Variants in TMEM144 observed in about 807,000 individuals in gnomAD.
TMEM144 encodes transmembrane protein 144.
A neutral mutation model predicts 43.6 loss-of-function variants in TMEM144; 39 were observed. That is an observed-to-expected ratio of 0.90 (90% CI 0.69 to 1.17). The LOEUF is 1.17. Ranked by LOEUF, TMEM144 falls within the 50% of genes most tolerant of loss-of-function variation. The pLI is 0.00. For synonymous variants in TMEM144, 154 were observed against 133.6 expected, an observed-to-expected ratio of 1.15 and a Z score of -1.06; for missense variants, 417 against 411.9, an observed-to-expected ratio of 1.01 and a Z score of -0.11.
chr4:158,245,439 T>C (rs540612734), intron 12 of TMEM144, among the ~76,000 whole-genome samples: 1 of 151,858 alleles, frequency 6.6e-6, no homozygotes, highest in East Asian at 1.9e-4. Flanking sequence ...GTTCAAATCC[T>C]GGCTCTGTCA....
chr4:158,218,758 C>A (rs970437597), intron 5 of TMEM144, among the ~76,000 whole-genome samples: 1 of 152,166 alleles, frequency 6.6e-6, no homozygotes, highest in South Asian at 2.1e-4. Context: ...GAGACACTCA[C>A]AAGTACTTTT....
intron 9 of TMEM144, 86 bp downstream of exon 9, chr4:158,237,729 T>C: frequency 8.7e-6 from 8 of 918,344 alleles, no homozygotes; most frequent in Non-Finnish European, 1.3e-5. Flanking sequence ...TATTGATGGG[T>C]CGATTCGATC....
At position 158,217,438 on chromosome 4, in the gene TMEM144, A is replaced by G. The variant is rs1473997708; in HGVS notation, c.332+18A>G. 6.5e-7 allele frequency: 1 copy of G among 1,528,810 alleles called. No individual in the cohort carries two copies. The highest frequency in any genetic ancestry group is 2.3e-5 in the East Asian group (1 of 44,362). The allele number at this position is 1,528,810 out of a possible 1,614,324, so 94.7% of individuals were successfully genotyped here. A position where few individuals can be genotyped will look rare whatever the true frequency, so the allele number is the denominator to read the frequency against. On this transcript the variant is annotated intron_variant, in intron 5 of 12. Transcript: ENST00000296529. ...AGCTCAAGGTAATTCAAGTCAAACT[A>G]GTTCAACTAAGATTTCCTGCATCCA...
chr4:158,226,911 A>T (rs1734800710), intron 6 of TMEM144, among the ~76,000 whole-genome samples: 1 of 151,878 alleles, frequency 6.6e-6, no homozygotes, highest in Non-Finnish European at 1.5e-5. Context: ...TCTTTTGAAG[A>T]TGATAACTAT....
At chr4:158,238,880 C>T (rs1336592729) in intron 9 of TMEM144, among the ~76,000 whole-genome samples, 1 of 152,154 alleles carries the variant, frequency 6.6e-6, no homozygotes, top group Non-Finnish European at 1.5e-5. Flanking sequence ...CTTGTGACAA[C>T]TCTGAATGTA....
chr4:158,215,260 A>G lies in TMEM144; in HGVS notation c.179A>G (p.His60Arg), dbSNP rs1240110497. ...GCCTTGGTTGTCAATCTGATATTAC[A>G]TTGTCCAAAGTTTTGGCCTTTTGCA... ...LVALVVNLIL[H>R]CPKFWPFAML... Residue 60 changes from histidine (H) to arginine (R), a missense_variant, in exon 4 of 13, where the codon CAT becomes CGT. Transcript: ENST00000296529. 2 of 1,613,820 alleles carry G rather than the reference A, an allele frequency of 1.2e-6. No individual in the cohort carries two copies. Among genetic ancestry groups the G allele is most frequent in the African/African-American group, 1.3e-5 (1 of 75,024 alleles).
At chr4:158,250,216 A>ATATATATATC (rs1736132817) in intron 12 of TMEM144, among the ~76,000 whole-genome samples, 1 of 127,894 alleles carries the variant, frequency 7.8e-6, no homozygotes, top group Admixed American at 7.9e-5. Context: ...ATATATATAT[A>ATATATATATC]TATATATATA....
At chr4:158,240,793 A>G (rs1735595241) in intron 10 of TMEM144, among the ~76,000 whole-genome samples, 1 of 152,244 alleles carries the variant, frequency 6.6e-6, no homozygotes, top group African/African-American at 2.4e-5. Flanking sequence ...AATATGCAGT[A>G]ACTTGGGAAA....
chr4:158,234,660 A>T (rs189584411), intron 7 of TMEM144: 1 of 152,340 alleles, frequency 6.6e-6, no homozygotes, highest in Non-Finnish European at 1.5e-5. Flanking sequence ...TACCAAACCT[A>T]TATATAGTAT....
chr4:158,215,142 T>A (rs781132295), intron 3 of TMEM144, 49 bp from the exon 4 acceptor site: 2 of 1,611,218 alleles, frequency 1.2e-6, no homozygotes, highest in Admixed American at 3.3e-5. Context: ...TGAGCACAAA[T>A]TTACTCAATT....
intron 9 of TMEM144, among the ~76,000 whole-genome samples, chr4:158,239,443 T>C (rs1356373444): frequency 6.6e-6 from 1 of 152,238 alleles, no homozygotes; most frequent in African/African-American, 2.4e-5. Flanking sequence ...CATGATGTGA[T>C]ATTAACTCCC....
intron 6 of TMEM144, among the ~76,000 whole-genome samples, chr4:158,231,729 A>G (rs980815322): frequency 6.6e-6 from 1 of 152,172 alleles, no homozygotes; most frequent in African/African-American, 2.4e-5. Context: ...GGGGGTTGGT[A>G]GACAGCTTGG....
Position 158,212,783 on chromosome 4 carries a change from A to G in TMEM144, c.109+7A>G, listed in dbSNP as rs772880464. 8.2e-6 allele frequency: 13 copies of G among 1,593,556 alleles called. No homozygotes were observed. In the Admixed American group the frequency reaches 1.2e-4, roughly 14 times the overall value. On this transcript the variant is annotated splice_region_variant and intron_variant, in intron 3 of 12. Coordinates refer to ENST00000296529, the MANE Select transcript of TMEM144 (RefSeq NM_018342.5). ...AAATTTGATACTGGTGATGGTAATT[A>G]TTTTTCCTTGATTGTTAACGTTATA...
chr4:158,244,267 T>A, intron 11 of TMEM144, 29 bp from the exon 12 acceptor site: 1 of 1,498,556 alleles, frequency 6.7e-7, no homozygotes, highest in Non-Finnish European at 9.1e-7. Context: ...AAATATCCAA[T>A]TTAATTAAAA....
chr4:158,218,366 G>A (rs1236164462), intron 5 of TMEM144, among the ~76,000 whole-genome samples: 3 of 152,056 alleles, frequency 2.0e-5, no homozygotes, highest in Non-Finnish European at 4.4e-5. Flanking sequence ...GGAATGTGGG[G>A]TGTTATTCTC....
In TMEM144 at chr4:158,240,308, A is replaced by G; in HGVS notation, c.692A>G (p.Tyr231Cys). ...YAGASQYDLD[Y>C]VFAHFSGIFL... The stretch of plus-strand genomic sequence containing the variant: ...TAATGTCTATTTTCAGATTTAGACT[A>G]TGTGTTTGCGCACTTCAGTGGCATC... The change falls in exon 10 of 13, where the codon TAT becomes TGT. Residue 231 changes from tyrosine (Y) to cysteine (C), a missense_variant. Coordinates refer to ENST00000296529, the MANE Select transcript of TMEM144 (RefSeq NM_018342.5). 6.2e-7 allele frequency: 1 copy of G among 1,611,300 alleles called. No individual in the cohort carries two copies. The highest frequency in any genetic ancestry group is 8.5e-7 in the Non-Finnish European group (1 of 1,179,180).
At chr4:158,227,927 G>C (rs962997417) in intron 6 of TMEM144, among the ~76,000 whole-genome samples, 1 of 151,926 alleles carries the variant, frequency 6.6e-6, no homozygotes, top group Non-Finnish European at 1.5e-5. Context: ...TTCCTAGTAG[G>C]GTCAGCTTAT....
chr4:158,211,628 T>A (rs1733964255), intron 2 of TMEM144, 54 bp downstream of exon 2: 1 of 152,206 alleles, frequency 6.6e-6, no homozygotes, highest in Non-Finnish European at 1.5e-5. Flanking sequence ...GAATAATAAT[T>A]ATTTTTATTG....
intron 4 of TMEM144, 135 bp from the exon 5 acceptor site, chr4:158,217,186 A>C (rs1328492390): frequency 1.8e-6 from 1 of 571,416 alleles, no homozygotes; most frequent in Non-Finnish European, 3.0e-6. Context: ...TTACTGAAAA[A>C]ATAAGGAACT....
Sources: allele counts gnomAD v4.1 joint callset (sites outside exome capture counted in the v4.1 genomes callset), GRCh38; gene constraint gnomAD v4.1.1; transcripts MANE v1.5; gene names NCBI Gene and HGNC (gene_info 2026-07-23, HGNC 2026-07-21).